The following SMR3B variants were observed in gnomAD, a reference collection of about 807,000 sequenced individuals.
The protein encoded by SMR3B is submaxillary gland androgen regulated protein 3B.
For synonymous variants in SMR3B, 42 were observed against 36.1 expected (o/e 1.16, Z -0.59); for missense variants, 114 against 99.9 (o/e 1.14, Z -0.60).
intron 2 of SMR3B, among the ~76,000 whole-genome samples, chr4:70,387,472 C>T (rs951583359): frequency 6.6e-6 from 1 of 152,022 alleles, no homozygotes; most frequent in Non-Finnish European, 1.5e-5. Flanking sequence ...AGAAAATGAT[C>T]CAGTTTATAA....
chr4:70,384,496 G>A lies in SMR3B; in HGVS notation c.-14-1G>A. ...TGATCACCTATTGTGCTTACTTTCA[G>A]AGGCAACTGAAAGGATGAAATCACT... is the stretch of plus-strand genomic sequence containing the variant. On this transcript the variant is annotated splice_acceptor_variant, in intron 1 of 2. Transcript: ENST00000304915. LOFTEE classifies it low-confidence loss of function (5UTR_SPLICE). The A allele has an allele frequency of 6.2e-7, 1 of 1,600,364 alleles. No homozygotes were observed. Among genetic ancestry groups the A allele is most frequent in the Non-Finnish European group, 8.5e-7 (1 of 1,174,776 alleles).
At chr4:70,383,474 C>A (rs1334697329) in intron 1 of SMR3B, among the ~76,000 whole-genome samples, 3 of 152,102 alleles carry the variant, frequency 2.0e-5, no homozygotes, top group Non-Finnish European at 4.4e-5. Context: ...GACTTTTCCT[C>A]CTGATGTACC....
Position 70,385,398 on chromosome 4 carries a change from GTTTTTTTTTTT to G in SMR3B, c.54+847_54+857del, listed in dbSNP as rs71210170. ...AAATAATTCCTTTTTCATCTACTTT[GTTTTTTTTTTT>G]TTTTTTTTTTTTGAAACAGACTCTC... On this transcript the variant is annotated intron_variant, in intron 2 of 2. Coordinates refer to ENST00000304915, the MANE Select transcript of SMR3B (RefSeq NM_006685.4). 2.2e-3 allele frequency among the ~76,000 whole-genome samples: 240 copies of G among 107,066 alleles called. 3 individuals carry two copies. The highest frequency in any genetic ancestry group is 0.014 in the Middle Eastern group (2 of 140). 70.2% of individuals were successfully genotyped at this position (107,066 alleles called of 152,430 possible).
chr4:70,389,955 C>G lies in SMR3B; in HGVS notation c.*107C>G, dbSNP rs539889378. The stretch of plus-strand genomic sequence containing the variant: ...TTCCCTGTAAATTCTCCAACTGATC[C>G]TACCCTCCCTACTCCTGCACCCCAA... On this transcript the variant is annotated 3_prime_UTR_variant, in exon 3 of 3. Coordinates refer to ENST00000304915, the MANE Select transcript of SMR3B (RefSeq NM_006685.4). The G allele has an allele frequency of 1.9e-6, 3 of 1,587,640 alleles. No individual in the cohort carries two copies. The African/African-American group carries it at 4.0e-5, about 21-fold the overall frequency.
At chr4:70,386,697 A>G (rs189428560) in intron 2 of SMR3B, among the ~76,000 whole-genome samples, 1 of 152,326 alleles carries the variant, frequency 6.6e-6, no homozygotes, top group African/African-American at 2.4e-5. Flanking sequence ...TATACTTACT[A>G]TGAAGATTTT....
rs767598402 is a variant in SMR3B at position 70,384,480 on chromosome 4, A to C, written c.-14-17A>C. 1 of 1,595,084 alleles carries C rather than the reference A, an allele frequency of 6.3e-7. No individual in the cohort carries two copies. Among genetic ancestry groups the C allele is most frequent in the Non-Finnish European group, 8.5e-7 (1 of 1,172,604 alleles). ...TAAAAAACAATCATACTGATCACCT[A>C]TTGTGCTTACTTTCAGAGGCAACTG... On this transcript the variant is annotated splice_polypyrimidine_tract_variant and intron_variant, in intron 1 of 2. Transcript: ENST00000304915.
chr4:70,386,766 G>A (rs965934607), intron 2 of SMR3B, among the ~76,000 whole-genome samples: 27 of 152,258 alleles, frequency 1.8e-4, no homozygotes, highest in Admixed American at 1.5e-3. Context: ...GGCACTTTCA[G>A]CTAATTTTTT....
Position 70,390,022 on chromosome 4 carries a change from C to A in SMR3B, c.*174C>A. On this transcript the variant is annotated 3_prime_UTR_variant, in exon 3 of 3. Transcript: ENST00000304915. ...CAGGTGCCACCACCACCACAAAAGA[C>A]ACCACTACCCTTGTAACTACTGCTT... 1 of 1,254,732 alleles carries A rather than the reference C, an allele frequency of 8.0e-7. No individual in the cohort carries two copies. The highest frequency in any genetic ancestry group is 1.2e-6 in the Non-Finnish European group (1 of 855,118). 77.7% of individuals were successfully genotyped at this position (1,254,732 alleles called of 1,614,324 possible). A position where few individuals can be genotyped will look rare whatever the true frequency, so the allele number is the denominator to read the frequency against.
rs1377801661 is a variant in SMR3B, at chr4:70,388,199, C to T, written c.55-1464C>T. Among the ~76,000 whole-genome samples, 4 of 152,232 alleles carry T rather than the reference C, an allele frequency of 2.6e-5. No individual in the cohort carries two copies. The South Asian group carries it at 6.2e-4, about 24-fold the overall frequency. Reference sequence around the variant, plus strand: ...ATGACTTCTTCTCACTAGAACAATCCTTCATCATTTTCCTATCCAGAACTG... The same window carrying T: ...ATGACTTCTTCTCACTAGAACAATCTTTCATCATTTTCCTATCCAGAACTG... On this transcript the variant is annotated intron_variant, in intron 2 of 2. Coordinates refer to ENST00000304915, the MANE Select transcript of SMR3B (RefSeq NM_006685.4).
rs1054351476 is a variant in SMR3B, at chr4:70,383,229, A to G, written c.-15+17A>G. The G allele has an allele frequency of 7.2e-5, 11 of 152,178 alleles. No individual in the cohort carries two copies. Among genetic ancestry groups the G allele is most frequent in the African/African-American group, 2.7e-4 (11 of 41,456 alleles). 9.4% of individuals were successfully genotyped at this position (152,178 alleles called of 1,614,324 possible). On this transcript the variant is annotated intron_variant, in intron 1 of 2. Transcript: ENST00000304915. ...CACACAAAGGTAGGTACTTGGAAAT[A>G]TAAACTGAATATTTTTACTTTGAAT...
In SMR3B at chr4:70,389,709, C is replaced by A; in HGVS notation, c.101C>A (p.Pro34Gln). 6.2e-7 allele frequency: 1 copy of A among 1,614,142 alleles called. No individual in the cohort carries two copies. The highest frequency in any genetic ancestry group is 8.5e-7 in the Non-Finnish European group (1 of 1,180,018). ...RGPRGPYPPG[P>Q]LAPPQPFGPG... ...CCCAGGGGACCATATCCACCTGGAC[C>A]GCTGGCTCCTCCTCAACCTTTTGGC... Residue 34 changes from proline to glutamine, a missense_variant, in exon 3 of 3, where the codon CCG (proline) becomes CAG (glutamine). By Grantham distance (76) the Pro-to-Gln change is moderately conservative. Transcript: ENST00000304915.
rs539807418 is a variant in SMR3B, at chr4:70,389,605, C to T, written c.55-58C>T. 2.6e-6 allele frequency: 4 copies of T among 1,540,238 alleles called. No homozygotes were observed. The African/African-American group carries it at 4.1e-5, about 16-fold the overall frequency. ...TTCTGCTTACCACAGAAAGCATTCA[C>T]CCTTATATTTAACTGTGAAATATCT... On this transcript the variant is annotated intron_variant, in intron 2 of 2. Coordinates refer to ENST00000304915, the MANE Select transcript of SMR3B (RefSeq NM_006685.4).
In SMR3B at chr4:70,389,922, C is replaced by A. The variant is rs765002821; in HGVS notation, c.*74C>A. On this transcript the variant is annotated 3_prime_UTR_variant, in exon 3 of 3. Coordinates refer to ENST00000304915, the MANE Select transcript of SMR3B (RefSeq NM_006685.4). ...CGACCAAGACCCTATCCACCTGGAC[C>A]TCCATTTTTCCCTGTAAATTCTCCA... is the stretch of plus-strand genomic sequence containing the variant. 18 of 1,605,298 alleles carry A rather than the reference C, an allele frequency of 1.1e-5. No homozygotes were observed. The highest frequency in any genetic ancestry group is 4.0e-5 in the African/African-American group (3 of 74,656).
intron 2 of SMR3B, among the ~76,000 whole-genome samples, chr4:70,389,336 C>A (rs1174007070): frequency 6.6e-6 from 1 of 152,110 alleles, no homozygotes; most frequent in Non-Finnish European, 1.5e-5. Flanking sequence ...CCCTACTTCC[C>A]TGCTGCTTAC....
In SMR3B at chr4:70,390,002, G is replaced by GCCA; in HGVS notation, c.*165_*167dup. 6.9e-7 allele frequency: 1 copy of GCCA among 1,455,230 alleles called. No individual in the cohort carries two copies. Among genetic ancestry groups the GCCA allele is most frequent in the Non-Finnish European group, 9.6e-7 (1 of 1,036,696 alleles). The allele number at this position is 1,455,230 out of a possible 1,614,324, so 90.1% of individuals were successfully genotyped here. A position where few individuals can be genotyped will look rare whatever the true frequency, so the allele number is the denominator to read the frequency against. The stretch of plus-strand genomic sequence containing the variant: ...CCAAATATGAACAACTGCAGCAGGT[G>GCCA]CCACCACCACCACAAAAGACACCAC... On this transcript the variant is annotated 3_prime_UTR_variant, in exon 3 of 3. Coordinates refer to ENST00000304915, the MANE Select transcript of SMR3B (RefSeq NM_006685.4).
intron 2 of SMR3B, among the ~76,000 whole-genome samples, chr4:70,387,398 T>C (rs1732686247): frequency 6.6e-6 from 1 of 152,014 alleles, no homozygotes; most frequent in South Asian, 2.1e-4. Flanking sequence ...GGAAGGGAGA[T>C]GCAAAGCCAA....
At position 70,389,736 on chromosome 4, in the gene SMR3B, C is replaced by A; in HGVS notation, c.128C>A (p.Pro43Gln). ...GPLAPPQPFGPGFVPPPPPPP... is the reference protein window; with the variant it reads ...GPLAPPQPFGQGFVPPPPPPP... ...CTGGCTCCTCCTCAACCTTTTGGCCCAGGATTTGTTCCACCACCTCCTCCT... is the reference window on the plus strand; with the variant it reads ...CTGGCTCCTCCTCAACCTTTTGGCCAAGGATTTGTTCCACCACCTCCTCCT... The change falls in exon 3 of 3, where the codon CCA becomes CAA. Residue 43 changes from proline to glutamine, a missense_variant. By Grantham distance (76) the Pro-to-Gln change is moderately conservative. Coordinates refer to ENST00000304915, the MANE Select transcript of SMR3B (RefSeq NM_006685.4). 2 of 1,614,112 alleles carry A rather than the reference C, an allele frequency of 1.2e-6. No individual in the cohort carries two copies. The highest frequency in any genetic ancestry group is 1.7e-6 in the Non-Finnish European group (2 of 1,180,026).
At position 70,389,769 on chromosome 4, in the gene SMR3B, A is replaced by G. The variant is rs1473495575; in HGVS notation, c.161A>G (p.Tyr54Cys). The change falls in exon 3 of 3, where the codon TAT becomes TGT. Residue 54 changes from tyrosine (Y) to cysteine (C), a missense_variant. Transcript: ENST00000304915. ...GTTCCACCACCTCCTCCTCCACCCT[A>G]TGGTCCAGGGAGAATCCCACCTCCT... Reference protein sequence around the residue: ...GFVPPPPPPPYGPGRIPPPPP... With the variant: ...GFVPPPPPPPCGPGRIPPPPP... 1.2e-6 allele frequency: 2 copies of G among 1,613,482 alleles called. No homozygotes were observed. The highest frequency in any genetic ancestry group is 4.5e-5 in the East Asian group (2 of 44,870).
intron 2 of SMR3B, among the ~76,000 whole-genome samples, chr4:70,386,632 C>T (rs1235556838): frequency 6.6e-6 from 1 of 152,102 alleles, no homozygotes; most frequent in Non-Finnish European, 1.5e-5. Context: ...CATCATTTTT[C>T]TGAGTTCGTT....
Sources: allele counts gnomAD v4.1 joint callset (sites outside exome capture counted in the v4.1 genomes callset), GRCh38; gene constraint gnomAD v4.1.1; transcripts MANE v1.5; gene names NCBI Gene and HGNC (gene_info 2026-07-23, HGNC 2026-07-21).